RANBP2: variants seen among roughly 807,000 people sequenced by gnomAD.
RANBP2 encodes the protein E3 SUMO-protein ligase RanBP2.
RANBP2 carries 57 observed loss-of-function variants against 303.6 expected under a neutral mutation model. That is an observed-to-expected ratio of 0.19 (90% confidence interval 0.15 to 0.23). RANBP2 has a LOEUF of 0.23. Among genes scored for constraint, RANBP2 ranks in the 10% least tolerant of loss-of-function variants. RANBP2 has a pLI of 1.00. For missense variants in RANBP2, 3,138 were observed against 3,780.8 expected (o/e 0.83, Z 4.46); for synonymous variants, 1,167 against 1,301.5 (o/e 0.90, Z 2.23).
chr2:109,454,225 C>T, the RANBP2 span, among the ~76,000 whole-genome samples: 5 of 152,188 alleles, frequency 3.3e-5, no homozygotes, highest in Non-Finnish European at 7.3e-5. Context: ...ATTTCTGTAG[C>T]TGTTCACATG....
At chr2:109,713,337 G>A in the RANBP2 span, among the ~76,000 whole-genome samples, 3 of 152,140 alleles carry the variant, frequency 2.0e-5, no homozygotes, top group Admixed American at 2.0e-4. Flanking sequence ...GCTCCCTGAA[G>A]TCTAAATACA....
At chr2:109,518,551 ATTGCCTTGTTGCTTC>A in the RANBP2 span, among the ~76,000 whole-genome samples, 1 of 152,218 alleles carries the variant, frequency 6.6e-6, no homozygotes, top group African/African-American at 2.4e-5. Context: ...TCTAAGAACC[ATTGCCTTGTTGCTTC>A]TGCTGGACAT....
chr2:109,519,467 T>G, the RANBP2 span, among the ~76,000 whole-genome samples: 1 of 152,320 alleles, frequency 6.6e-6, no homozygotes, highest in South Asian at 2.1e-4. Flanking sequence ...CTAGGAACAT[T>G]GACCTGTATG....
the RANBP2 span, chr2:109,564,111 AGG>A: frequency 1.5e-5 from 2 of 129,846 alleles, no homozygotes; most frequent in African/African-American, 5.7e-5. Context: ...GAACTGAAAC[AGG>A]GGGCCTCTGC....
intron 17 of RANBP2, among the ~76,000 whole-genome samples, chr2:108,756,884 G>C (rs1254448601): frequency 6.6e-6 from 1 of 152,216 alleles, no homozygotes; most frequent in Non-Finnish European, 1.5e-5. Context: ...TACCAACAGT[G>C]ACCATAAAGT....
the RANBP2 span, among the ~76,000 whole-genome samples, chr2:109,283,616 C>T: frequency 6.6e-6 from 1 of 152,148 alleles, no homozygotes; most frequent in South Asian, 2.1e-4. Flanking sequence ...TGAGGGAGAG[C>T]GCTGCAGGGA....
chr2:109,609,715 T>C, the RANBP2 span, among the ~76,000 whole-genome samples: 7 of 151,304 alleles, frequency 4.6e-5, no homozygotes, highest in Admixed American at 2.0e-4. Context: ...AAAATTATCC[T>C]CACTGAAGAA....
the RANBP2 span, among the ~76,000 whole-genome samples, chr2:109,021,420 G>T: frequency 2.0e-5 from 3 of 152,026 alleles, no homozygotes; most frequent in South Asian, 6.2e-4. Flanking sequence ...CTACTCGGGA[G>T]GCTGAGGCAG....
chr2:109,470,883 C>G, the RANBP2 span, among the ~76,000 whole-genome samples: 1 of 152,210 alleles, frequency 6.6e-6, no homozygotes, highest in South Asian at 2.1e-4. Context: ...TTGCCTGAGG[C>G]AGAGTCAGTG....
chr2:109,139,817 CTT>C, the RANBP2 span, among the ~76,000 whole-genome samples: 2 of 152,220 alleles, frequency 1.3e-5, no homozygotes, highest in Non-Finnish European at 2.9e-5. Flanking sequence ...TCAATCACCT[CTT>C]TGCCAAAGAC....
the RANBP2 span, among the ~76,000 whole-genome samples, chr2:109,607,779 C>G: frequency 6.6e-6 from 1 of 152,146 alleles, no homozygotes; most frequent in Non-Finnish European, 1.5e-5. Flanking sequence ...TCAAAACTAC[C>G]TACCTGTGTT....
chr2:108,815,069 A>G, the RANBP2 span, among the ~76,000 whole-genome samples: 1 of 152,256 alleles, frequency 6.6e-6, no homozygotes, highest in African/African-American at 2.4e-5. Flanking sequence ...TTAAATTTAT[A>G]AATTACTTTG....
At chr2:108,887,310 A>G in the RANBP2 span, among the ~76,000 whole-genome samples, 7,133 of 152,220 alleles carry the variant, frequency 0.047, 535 homozygotes, top group African/African-American at 0.16. Context: ...GAAGTGAGTC[A>G]TTGTGATGCC....
the RANBP2 span, chr2:109,437,088 C>T: frequency 6.2e-7 from 1 of 1,613,594 alleles, no homozygotes; most frequent in Non-Finnish European, 8.5e-7. Flanking sequence ...CAACAGGCAG[C>T]TGTCTACGGC....
At chr2:108,872,997 G>A in the RANBP2 span, among the ~76,000 whole-genome samples, 5 of 151,914 alleles carry the variant, frequency 3.3e-5, no homozygotes, top group African/African-American at 1.2e-4. Context: ...TGCTCCAAAG[G>A]TTCTTCCTTA....
chr2:109,199,598 G>GAACCC, the RANBP2 span, among the ~76,000 whole-genome samples: 1 of 238 alleles, frequency 4.2e-3, no homozygotes, highest in Non-Finnish European at 8.1e-3. Flanking sequence ...GGAATGGAAT[G>GAACCC]GAATGGAATG....
chr2:109,003,205 CA>C, the RANBP2 span, among the ~76,000 whole-genome samples: 121 of 45,436 alleles, frequency 2.7e-3, no homozygotes, highest in South Asian at 0.011. Context: ...GTCTCCCTCT[CA>C]AAAAAAAAAA....
the RANBP2 span, among the ~76,000 whole-genome samples, chr2:109,106,497 C>T: frequency 3.3e-5 from 5 of 152,164 alleles, no homozygotes; most frequent in African/African-American, 9.7e-5. Flanking sequence ...GGAGCATCTT[C>T]TCTCATGTGT....
At chr2:109,052,028 G>T in the RANBP2 span, among the ~76,000 whole-genome samples, 4 of 152,162 alleles carry the variant, frequency 2.6e-5, no homozygotes, top group African/African-American at 9.6e-5. Context: ...GATTACAGGC[G>T]TGAGCCACCA....
Sources: gnomAD v4.1 joint callset for allele counts (sites outside exome capture counted in the v4.1 genomes callset) on GRCh38, gnomAD v4.1.1 for gene constraint, MANE v1.5 for transcripts, NCBI Gene and HGNC (gene_info 2026-07-23, HGNC 2026-07-21) for gene names.